Variants in TXLNB observed in about 807,000 individuals in gnomAD.
The protein encoded by TXLNB is beta-taxilin.
In TXLNB, 37 loss-of-function variants were observed where a neutral mutation model predicts 57.4. That is an observed-to-expected ratio of 0.64 (90% CI 0.50 to 0.85). TXLNB has a LOEUF of 0.85. Among genes scored for constraint, TXLNB ranks in the 40% least tolerant of loss-of-function variants. The pLI is 0.00. For synonymous variants in TXLNB, 302 were observed against 309.6 expected (o/e 0.98, Z 0.26); for missense variants, 848 against 825.6 (o/e 1.03, Z -0.33).
At chr6:139,227,694 A>T in the TXLNB span, among the ~76,000 whole-genome samples, 1 of 152,378 alleles carries the variant, frequency 6.6e-6, no homozygotes, top group East Asian at 1.9e-4. Flanking sequence ...AGATCACTAT[A>T]TGACAATGAA....
the TXLNB span, among the ~76,000 whole-genome samples, chr6:139,224,514 T>C: frequency 6.6e-6 from 1 of 151,916 alleles, no homozygotes; most frequent in Non-Finnish European, 1.5e-5. Context: ...AACATTGTAA[T>C]TGATAGCGTT....
chr6:139,181,777 A>G, the TXLNB span, among the ~76,000 whole-genome samples: 1 of 152,214 alleles, frequency 6.6e-6, no homozygotes, highest in Admixed American at 6.5e-5. Context: ...TGTAATAGCC[A>G]GTTATAAAAG....
the TXLNB span, among the ~76,000 whole-genome samples, chr6:139,197,104 A>G: frequency 6.6e-6 from 1 of 152,056 alleles, no homozygotes. Context: ...AACTACCCTT[A>G]CTATTCTCTT....
rs1172917703 is a variant in TXLNB at position 139,255,544 on chromosome 6, C to G, written c.1077+20G>C. On this transcript the variant is annotated intron_variant, in intron 7 of 9. Coordinates refer to ENST00000358430, the MANE Select transcript of TXLNB (RefSeq NM_153235.4). Reference sequence around the variant, plus strand: ...GGACAGTGAGGACAGCACCCCCATGCCTCGTCCACCTGGCCTCACCTGAGC... The same window carrying G: ...GGACAGTGAGGACAGCACCCCCATGGCTCGTCCACCTGGCCTCACCTGAGC... 1 of 1,611,346 alleles carries G rather than the reference C, an allele frequency of 6.2e-7. No homozygotes were observed. Among genetic ancestry groups the G allele is most frequent in the Non-Finnish European group, 8.5e-7 (1 of 1,177,586 alleles).
chr6:139,161,527 A>G, the TXLNB span, among the ~76,000 whole-genome samples: 17 of 152,332 alleles, frequency 1.1e-4, no homozygotes, highest in African/African-American at 4.1e-4. Context: ...CTGTTAGACC[A>G]TTAGAGCTCT....
At chr6:139,218,107 C>A in the TXLNB span, among the ~76,000 whole-genome samples, 1 of 152,026 alleles carries the variant, frequency 6.6e-6, no homozygotes, top group Non-Finnish European at 1.5e-5. Context: ...ATGGTAGGGT[C>A]CCCTTTAGGG....
the TXLNB span, among the ~76,000 whole-genome samples, chr6:139,313,368 G>C: frequency 2.2e-4 from 33 of 152,204 alleles, no homozygotes; most frequent in African/African-American, 7.7e-4. Context: ...CGCTGCGCCC[G>C]GCCTGTCTTT....
chr6:139,273,813 A>C (rs567145002), intron 3 of TXLNB, among the ~76,000 whole-genome samples: 1 of 152,346 alleles, frequency 6.6e-6, no homozygotes, highest in African/African-American at 2.4e-5. Flanking sequence ...TTTATATTTA[A>C]AAAAATTTAA....
chr6:139,210,768 G>A, the TXLNB span, among the ~76,000 whole-genome samples: 1 of 152,190 alleles, frequency 6.6e-6, no homozygotes, highest in Non-Finnish European at 1.5e-5. Context: ...CTGGAAAATC[G>A]GGTCACTCCC....
At chr6:139,312,169 G>A in the TXLNB span, among the ~76,000 whole-genome samples, 1 of 152,130 alleles carries the variant, frequency 6.6e-6, no homozygotes, top group Admixed American at 6.5e-5. Context: ...TCATAGTTTT[G>A]ATGCCATCAT....
At chr6:139,210,629 T>C in the TXLNB span, among the ~76,000 whole-genome samples, 1 of 152,168 alleles carries the variant, frequency 6.6e-6, no homozygotes, top group Non-Finnish European at 1.5e-5. Context: ...TGCCGGACAG[T>C]GGGTGAAGGA....
At chr6:139,255,314 C>A (rs1375686803) in intron 7 of TXLNB, 1 of 522,762 alleles carries the variant, frequency 1.9e-6, no homozygotes, top group South Asian at 1.6e-5. Context: ...ACTGTACTGT[C>A]ATCCATTGTC....
At chr6:139,224,296 T>G in the TXLNB span, among the ~76,000 whole-genome samples, 1 of 80,048 alleles carries the variant, frequency 1.2e-5, no homozygotes, top group African/African-American at 5.1e-5. Flanking sequence ...GGGACTATTG[T>G]GGGGTGGGGG....
At chr6:139,162,486 G>T in the TXLNB span, among the ~76,000 whole-genome samples, 1 of 152,232 alleles carries the variant, frequency 6.6e-6, no homozygotes, top group Non-Finnish European at 1.5e-5. Context: ...AAATGGTCCT[G>T]CCTGGATTCC....
the TXLNB span, among the ~76,000 whole-genome samples, chr6:139,222,581 T>C: frequency 6.6e-6 from 1 of 152,150 alleles, no homozygotes; most frequent in South Asian, 2.1e-4. Context: ...CCGAGGCAGG[T>C]GAATCACCTG....
At chr6:139,311,338 T>A in the TXLNB span, among the ~76,000 whole-genome samples, 1 of 152,202 alleles carries the variant, frequency 6.6e-6, no homozygotes, top group East Asian at 1.9e-4. Context: ...TTCTTTTGCA[T>A]AAAACCTCTT....
At chr6:139,225,603 A>G in the TXLNB span, among the ~76,000 whole-genome samples, 1 of 152,226 alleles carries the variant, frequency 6.6e-6, no homozygotes, top group African/African-American at 2.4e-5. Flanking sequence ...AAACATCTAG[A>G]ATTAAACCTA....
the TXLNB span, among the ~76,000 whole-genome samples, chr6:139,164,080 A>ACTCTCTCTCTCTCT: frequency 4.1e-5 from 6 of 148,068 alleles, no homozygotes; most frequent in African/African-American, 7.5e-5. Context: ...ACACACACAC[A>ACTCTCTCTCTCTCT]CTCTCTCTCT....
the TXLNB span, among the ~76,000 whole-genome samples, chr6:139,226,302 C>CAAAAAAAA: frequency 2.5e-5 from 1 of 39,244 alleles, no homozygotes; most frequent in Non-Finnish European, 4.1e-5. Context: ...GACCCTGTCT[C>CAAAAAAAA]AAAAAAAAAA....
Sources: allele counts gnomAD v4.1 joint callset (sites outside exome capture counted in the v4.1 genomes callset), GRCh38; gene constraint gnomAD v4.1.1; transcripts MANE v1.5; gene names NCBI Gene and HGNC (gene_info 2026-07-23, HGNC 2026-07-21).